GRIK1: variants seen among roughly 807,000 people sequenced by gnomAD.
GRIK1 encodes glutamate receptor ionotropic, kainate 1.
A neutral mutation model predicts 105.7 loss-of-function variants in GRIK1; 69 were observed. That is an observed-to-expected ratio of 0.65 (90% CI 0.54 to 0.80). GRIK1 has a LOEUF of 0.80. Among genes scored for constraint, GRIK1 ranks in the 30% least tolerant of loss-of-function variants. The pLI is 0.00. For synonymous variants in GRIK1, 438 were observed against 431.3 expected (o/e 1.02, Z -0.19); for missense variants, 1,109 against 1,167.3 (o/e 0.95, Z 0.73).
intron 1 of GRIK1, among the ~76,000 whole-genome samples, chr21:29,751,352 T>C (rs536341966): frequency 6.6e-6 from 1 of 152,334 alleles, no homozygotes; most frequent in African/African-American, 2.4e-5. Context: ...CCACCCCTAC[T>C]GCAGCCTTTT....
At chr21:29,857,024 A>T (rs1263394604) in intron 1 of GRIK1, among the ~76,000 whole-genome samples, 1 of 152,208 alleles carries the variant, frequency 6.6e-6, no homozygotes, top group African/African-American at 2.4e-5. Flanking sequence ...ATGCAAATCC[A>T]CAGGAAGGAT....
chr21:29,719,081 C>CATATATATAT (rs71335089), intron 1 of GRIK1, among the ~76,000 whole-genome samples: 9,408 of 143,124 alleles, frequency 0.066, 309 homozygotes, highest in Non-Finnish European at 0.089. Flanking sequence ...TGTGTATATA[C>CATATATATAT]ATATATATAT....
chr21:29,852,730 A>G (rs2146053751), intron 1 of GRIK1, among the ~76,000 whole-genome samples: 1 of 152,360 alleles, frequency 6.6e-6, no homozygotes, highest in Middle Eastern at 3.4e-3. Flanking sequence ...TTATTTCATT[A>G]TGATATAGGA....
intron 3 of GRIK1, among the ~76,000 whole-genome samples, chr21:29,677,057 G>T (rs2063282689): frequency 6.6e-6 from 1 of 152,132 alleles, no homozygotes; most frequent in Non-Finnish European, 1.5e-5. Context: ...TACTTATGGG[G>T]AAAAAGGTCA....
chr21:29,673,197 C>A, intron 3 of GRIK1, 33 bp from the exon 4 acceptor site: 2 of 1,456,298 alleles, frequency 1.4e-6, no homozygotes, highest in Non-Finnish European at 1.9e-6. Context: ...GCAATGGAGA[C>A]TGTTCTGTCG....
At chr21:29,766,417 C>T (rs533055595) in intron 1 of GRIK1, among the ~76,000 whole-genome samples, 1 of 152,078 alleles carries the variant, frequency 6.6e-6, no homozygotes, top group African/African-American at 2.4e-5. Context: ...GGCAGCCCCC[C>T]ACAATGAAGA....
intron 1 of GRIK1, among the ~76,000 whole-genome samples, chr21:29,726,693 A>G (rs1464766317): frequency 6.6e-6 from 1 of 151,740 alleles, no homozygotes; most frequent in East Asian, 1.9e-4. Context: ...GTTACATAAA[A>G]CCCTATTATA....
intron 1 of GRIK1, among the ~76,000 whole-genome samples, chr21:29,815,384 C>T (rs1205986112): frequency 6.6e-6 from 1 of 152,072 alleles, no homozygotes; most frequent in Non-Finnish European, 1.5e-5. Context: ...GGGGTAAGCC[C>T]CCTGTAAAGT....
rs79152977 is a variant in GRIK1, at chr21:29,711,012, G to A, written c.119-16949C>T. 5.4e-4 allele frequency among the ~76,000 whole-genome samples: 82 copies of A among 151,390 alleles called. 2 individuals carry two copies. In the East Asian group the frequency reaches 0.015, roughly 28 times the overall value. On this transcript the variant is annotated intron_variant, in intron 1 of 17. Transcript: ENST00000327783. ...CTTATTTGGTTTTGATTCTTGTTTT[G>A]AGTTTCTCCTTATTTACTCATATTT...
intron 1 of GRIK1, among the ~76,000 whole-genome samples, chr21:29,783,574 C>T (rs373468276): frequency 6.6e-6 from 1 of 151,980 alleles, no homozygotes; most frequent in Non-Finnish European, 1.5e-5. Flanking sequence ...TATTTTTTAG[C>T]ATTAAAATTT....
At position 29,640,003 on chromosome 21, in the gene GRIK1, T is replaced by C. The variant is rs1486831868; in HGVS notation, c.1098+2823A>G. On this transcript the variant is annotated intron_variant, in intron 7 of 17. Transcript: ENST00000327783. ...TGATTCCCAACAGTGTGTGGAGTTA[T>C]CAGAAATTACCGCACATGCAACAAC... is the stretch of plus-strand genomic sequence containing the variant. Among the ~76,000 whole-genome samples, 3 of 152,176 alleles carry C rather than the reference T, an allele frequency of 2.0e-5. No individual in the cohort carries two copies. The East Asian group carries it at 5.8e-4, about 29-fold the overall frequency.
intron 1 of GRIK1, among the ~76,000 whole-genome samples, chr21:29,869,689 G>C (rs978586553): frequency 6.6e-6 from 1 of 152,154 alleles, no homozygotes; most frequent in African/African-American, 2.4e-5. Context: ...CATGTTAAAA[G>C]CAGAATAGAG....
At chr21:29,932,764 G>A (rs2071611971) in intron 1 of GRIK1, among the ~76,000 whole-genome samples, 1 of 151,746 alleles carries the variant, frequency 6.6e-6, no homozygotes, top group Admixed American at 6.6e-5. Context: ...ATGAAAATTT[G>A]TCATTTAAAA....
rs3831788 is a variant in GRIK1, at chr21:29,777,810, GA to G, written c.119-83748del. Among the ~76,000 whole-genome samples, 58 of 151,598 alleles carry G rather than the reference GA, an allele frequency of 3.8e-4. No homozygotes were observed. In the East Asian group the frequency reaches 8.2e-3, roughly 21 times the overall value. The stretch of plus-strand genomic sequence containing the variant: ...GTCCTGGTGACAGAACGAACAGAAA[GA>G]AAAAAAAGAAAGAAAAACGAATCCA... On this transcript the variant is annotated intron_variant, in intron 1 of 17. Coordinates refer to ENST00000327783, the MANE Select transcript of GRIK1 (RefSeq NM_001330994.2).
At chr21:29,922,307 T>C (rs1383926716) in intron 1 of GRIK1, among the ~76,000 whole-genome samples, 1 of 152,144 alleles carries the variant, frequency 6.6e-6, no homozygotes, top group Non-Finnish European at 1.5e-5. Context: ...ATAAAACCAT[T>C]AACATCTTTA....
chr21:29,560,370 TTCCTTC>T (rs2090398514), intron 15 of GRIK1, among the ~76,000 whole-genome samples: 1 of 37,060 alleles, frequency 2.7e-5, no homozygotes, highest in African/African-American at 1.2e-4. Flanking sequence ...TCTTTCTTCC[TTCCTTC>T]CTTCCTTCCT....
At chr21:29,843,985 G>T (rs1051617852) in intron 1 of GRIK1, among the ~76,000 whole-genome samples, 4 of 152,196 alleles carry the variant, frequency 2.6e-5, no homozygotes, top group African/African-American at 9.7e-5. Context: ...TCTGGGAGTA[G>T]AACTGATACA....
rs532967763 is a variant in GRIK1 at position 29,658,803 on chromosome 21, G to T, written c.727-3940C>A. Among the ~76,000 whole-genome samples, 7 of 152,292 alleles carry T rather than the reference G, an allele frequency of 4.6e-5. No individual in the cohort carries two copies. In the South Asian group the frequency reaches 1.2e-3, roughly 27 times the overall value. ...TTGCATTTCCTAGTCCCTTGGGCTT[G>T]GGTGGGGGTATGTGCTGGTTCTAGC... On this transcript the variant is annotated intron_variant, in intron 4 of 17. Transcript: ENST00000327783.
In GRIK1 at chr21:29,675,797, A is replaced by G. The variant is rs182453744; in HGVS notation, c.545-2633T>C. Among the ~76,000 whole-genome samples, 387 of 152,274 alleles carry G rather than the reference A, an allele frequency of 2.5e-3. 16 individuals carry two copies. The South Asian group carries it at 0.066, about 26-fold the overall frequency. On this transcript the variant is annotated intron_variant, in intron 3 of 17. Coordinates refer to ENST00000327783, the MANE Select transcript of GRIK1 (RefSeq NM_001330994.2). ...AGGCTGGAGTAACTTGCTCAAGGTT[A>G]TATAGCTAATAAGTGGCAGAACCCG...
Sources: allele counts gnomAD v4.1 joint callset (sites outside exome capture counted in the v4.1 genomes callset), GRCh38; gene constraint gnomAD v4.1.1; transcripts MANE v1.5; gene names NCBI Gene and HGNC (gene_info 2026-07-23, HGNC 2026-07-21).